Variants in STARD3 observed in about 807,000 individuals in gnomAD.
STARD3 encodes the protein stAR-related lipid transfer protein 3.
A neutral mutation model predicts 62.0 loss-of-function variants in STARD3; 39 were observed. The ratio of observed to expected loss-of-function variants is 0.63; its 90% CI spans 0.49 to 0.82. The LOEUF (loss-of-function observed/expected upper bound fraction) is 0.82. Among genes scored for constraint, STARD3 ranks in the 40% least tolerant of loss-of-function variants. STARD3 has a pLI of 0.00. For missense variants in STARD3, 543 were observed against 584.5 expected (o/e 0.93, Z 0.73); for synonymous variants, 229 against 242.4 (o/e 0.94, Z 0.51).
chr17:39,652,077 C>T (rs1231347210), intron 1 of STARD3, among the ~76,000 whole-genome samples: 1 of 152,132 alleles, frequency 6.6e-6, no homozygotes, highest in Non-Finnish European at 1.5e-5. Context: ...CTCTCTGGGC[C>T]TTGGTTGTCG....
intron 1 of STARD3, among the ~76,000 whole-genome samples, chr17:39,638,572 C>T (rs900786566): frequency 1.3e-5 from 2 of 152,222 alleles, no homozygotes; most frequent in Non-Finnish European, 2.9e-5. Flanking sequence ...TTTTTCAGCG[C>T]AGGCAGCGCT....
chr17:39,648,067 C>CCT (rs2057043151), intron 1 of STARD3, among the ~76,000 whole-genome samples: 1 of 152,078 alleles, frequency 6.6e-6, no homozygotes, highest in South Asian at 2.1e-4. Context: ...GGGCGGATCA[C>CCT]GAGATCAGGA....
intron 1 of STARD3, among the ~76,000 whole-genome samples, chr17:39,650,345 G>C (rs973581228): frequency 6.6e-6 from 1 of 152,206 alleles, no homozygotes; most frequent in African/African-American, 2.4e-5. Context: ...ACACCGTCAG[G>C]AGCCAGGAAG....
chr17:39,638,463 C>T (rs2056954573), intron 1 of STARD3, among the ~76,000 whole-genome samples: 1 of 152,210 alleles, frequency 6.6e-6, no homozygotes, highest in African/African-American at 2.4e-5. Context: ...ATGCGCCATG[C>T]CTACCCTTGC....
chr17:39,655,349 A>AT (rs60170620), intron 2 of STARD3, among the ~76,000 whole-genome samples: 5,429 of 141,116 alleles, frequency 0.038, 117 homozygotes, highest in Admixed American at 0.068. Flanking sequence ...ACATTTGGCT[A>AT]TTTTTTTTTT....
At chr17:39,648,146 G>A (rs760952043) in intron 1 of STARD3, among the ~76,000 whole-genome samples, 9 of 152,224 alleles carry the variant, frequency 5.9e-5, no homozygotes, top group Non-Finnish European at 1.2e-4. Flanking sequence ...TTAGCCAGGC[G>A]TGGTGGTGGG....
At position 39,653,507 on chromosome 17, in the gene STARD3, C is replaced by T. The variant is rs1268345213; in HGVS notation, c.-25C>T. 7.5e-6 allele frequency: 12 copies of T among 1,598,292 alleles called. No individual in the cohort carries two copies. Among genetic ancestry groups the T allele is most frequent in the African/African-American group, 2.7e-5 (2 of 74,838 alleles). ...CCTGCTGCTGAGGCCGCGCCCTCCC[C>T]GCCCTGAGGTGGGGGCCCACCAGGA... On this transcript the variant is annotated 5_prime_UTR_variant, in exon 2 of 15. Coordinates refer to ENST00000336308, the MANE Select transcript of STARD3 (RefSeq NM_006804.4).
intron 1 of STARD3, among the ~76,000 whole-genome samples, chr17:39,645,369 C>T (rs1224810898): frequency 6.6e-6 from 1 of 152,234 alleles, no homozygotes; most frequent in Non-Finnish European, 1.5e-5. Flanking sequence ...TTGTAGAGTT[C>T]AGATTTGAAC....
chr17:39,658,941 C>T, intron 7 of STARD3, 110 bp from the exon 8 acceptor site: 2 of 1,559,160 alleles, frequency 1.3e-6, no homozygotes, highest in African/African-American at 2.7e-5. Context: ...GCAACCCTCT[C>T]CCACACACTT....
rs987936113 is a variant in STARD3 at position 39,653,488 on chromosome 17, G to A, written c.-44G>A. ...CCTCTGCCTCGCCCCCAGCCCTGCT[G>A]CTGAGGCCGCGCCCTCCCCGCCCTG... On this transcript the variant is annotated 5_prime_UTR_variant, in exon 2 of 15. Transcript: ENST00000336308. The A allele has an allele frequency of 6.3e-7, 1 of 1,588,642 alleles. No homozygotes were observed. Among genetic ancestry groups the A allele is most frequent in the South Asian group, 1.1e-5 (1 of 90,470 alleles).
intron 1 of STARD3, among the ~76,000 whole-genome samples, chr17:39,649,254 C>T (rs2057054626): frequency 6.6e-6 from 1 of 152,132 alleles, no homozygotes; most frequent in Non-Finnish European, 1.5e-5. Flanking sequence ...CTCACAAAAC[C>T]ACATATGCAA....
intron 1 of STARD3, among the ~76,000 whole-genome samples, chr17:39,646,623 C>G (rs532518049): frequency 6.6e-6 from 1 of 152,170 alleles, no homozygotes; most frequent in Non-Finnish European, 1.5e-5. Context: ...CCAGAGCACA[C>G]AGCTAGGAAG....
At position 39,660,276 on chromosome 17, in the gene STARD3, G is replaced by A. The variant is rs765100568; in HGVS notation, c.858+3G>A. 1.2e-6 allele frequency: 2 copies of A among 1,613,946 alleles called. No individual in the cohort carries two copies. The highest frequency in any genetic ancestry group is 1.7e-6 in the Non-Finnish European group (2 of 1,180,042). ...ACGGCAAGACGTTTATCCTGAAGGTGAGTGAGGGGAGCGGGTGTCCTGGAG... is the reference window on the plus strand; with the variant it reads ...ACGGCAAGACGTTTATCCTGAAGGTAAGTGAGGGGAGCGGGTGTCCTGGAG... On this transcript the variant is annotated splice_donor_region_variant and intron_variant, in intron 10 of 14. Coordinates refer to ENST00000336308, the MANE Select transcript of STARD3 (RefSeq NM_006804.4). The surrounding 1 kb of genome is among the most constrained non-coding windows in gnomAD (Gnocchi z 4.8).
rs558235645 is a variant in STARD3, at chr17:39,660,411, C to T, written c.859-20C>T. The T allele has an allele frequency of 1.2e-6, 2 of 1,613,360 alleles. No individual in the cohort carries two copies. Among genetic ancestry groups the T allele is most frequent in the Non-Finnish European group, 1.7e-6 (2 of 1,179,796 alleles). ...CCGAGCCCATCTGGCACCACCCAGC[C>T]CTCTGCCGCCCTGTCCCAGACCTTC... On this transcript the variant is annotated intron_variant, in intron 10 of 14. Coordinates refer to ENST00000336308, the MANE Select transcript of STARD3 (RefSeq NM_006804.4). The surrounding 1 kb of genome is among the most constrained non-coding windows in gnomAD (Gnocchi z 4.8).
At chr17:39,650,290 G>A (rs112383549) in intron 1 of STARD3, among the ~76,000 whole-genome samples, 10 of 152,160 alleles carry the variant, frequency 6.6e-5, no homozygotes, top group African/African-American at 1.4e-4. Flanking sequence ...AGCGAAGACC[G>A]GTCGGCGTTT....
intron 2 of STARD3, among the ~76,000 whole-genome samples, chr17:39,655,349 A>ATT (rs60170620): frequency 1.1e-4 from 16 of 141,154 alleles, no homozygotes; most frequent in South Asian, 4.6e-4. Flanking sequence ...ACATTTGGCT[A>ATT]TTTTTTTTTT....
At chr17:39,662,569 A>G (rs1381402430) in intron 14 of STARD3, 1 of 628,600 alleles carries the variant, frequency 1.6e-6, no homozygotes, top group East Asian at 2.8e-5. Flanking sequence ...TGAGGCCCTG[A>G]GGAAGGGTGG....
intron 1 of STARD3, among the ~76,000 whole-genome samples, chr17:39,652,109 C>T (rs986741213): frequency 1.3e-5 from 2 of 152,170 alleles, no homozygotes; most frequent in African/African-American, 2.4e-5. Flanking sequence ...GAAGAGGAAC[C>T]GTCCCTGCCC....
chr17:39,651,081 T>A (rs1053831799), intron 1 of STARD3, among the ~76,000 whole-genome samples: 10 of 152,230 alleles, frequency 6.6e-5, no homozygotes, highest in African/African-American at 2.4e-4. Flanking sequence ...CATCGCCTGT[T>A]TCCAGAGCTG....
Sources: allele counts gnomAD v4.1 joint callset (sites outside exome capture counted in the v4.1 genomes callset), GRCh38; gene constraint gnomAD v4.1.1; non-coding constraint Gnocchi (gnomAD v3.1); transcripts MANE v1.5; gene names NCBI Gene and HGNC (gene_info 2026-07-23, HGNC 2026-07-21).